ATXN2: variants seen among roughly 807,000 people sequenced by gnomAD.
The protein encoded by ATXN2 is ataxin-2.
Under a neutral mutation model 138.6 loss-of-function variants are expected in ATXN2, and 37 were observed. The observed-to-expected ratio is 0.27, with a 90% confidence interval of 0.21 to 0.35. The LOEUF (loss-of-function observed/expected upper bound fraction) is 0.35. ATXN2 is among the 10% of genes least tolerant of loss of function. The pLI is 1.00. For missense variants in ATXN2, 1,216 were observed against 1,480.3 expected, an observed-to-expected ratio of 0.82 and a Z score of 2.93; for synonymous variants, 549 against 543.7, an observed-to-expected ratio of 1.01 and a Z score of -0.13.
At chr12:111,466,830 A>G (rs868704768) in intron 20 of ATXN2, among the ~76,000 whole-genome samples, 1 of 152,082 alleles carries the variant, frequency 6.6e-6, no homozygotes, top group African/African-American at 2.4e-5. Context: ...AAAAACCTAG[A>G]TATGATGTAG....
chr12:111,510,586 G>C lies in ATXN2; in HGVS notation c.1559-4C>G, dbSNP rs369440499. ...GTTTTAGGGGATAATCTTGGAACTA[G>C]AAGAAAGGGAAAATGTATTTATTAC... is the stretch of plus-strand genomic sequence containing the variant. On this transcript the variant is annotated splice_polypyrimidine_tract_variant and splice_region_variant and intron_variant, in intron 11 of 24. Coordinates refer to ENST00000673436, the MANE Select transcript of ATXN2 (RefSeq NM_001372574.1). 41 of 1,594,748 alleles carry C rather than the reference G, an allele frequency of 2.6e-5. No individual in the cohort carries two copies. The African/African-American group carries it at 4.3e-4, about 17-fold the overall frequency.
intron 12 of ATXN2, among the ~76,000 whole-genome samples, 190 bp downstream of exon 12, chr12:111,510,195 C>T (rs538216009): frequency 1.3e-5 from 2 of 152,068 alleles, no homozygotes; most frequent in African/African-American, 4.8e-5. Context: ...GGAATGTTAA[C>T]CTTTGTAACA....
chr12:111,591,913 C>T (rs1312807363), intron 1 of ATXN2, among the ~76,000 whole-genome samples: 3 of 150,708 alleles, frequency 2.0e-5, no homozygotes, highest in Non-Finnish European at 4.4e-5. Flanking sequence ...GAAACCCTGT[C>T]TCTGCTAAAA....
chr12:111,543,075 A>G (rs1881608042), intron 5 of ATXN2, among the ~76,000 whole-genome samples: 1 of 152,088 alleles, frequency 6.6e-6, no homozygotes, highest in African/African-American at 2.4e-5. Flanking sequence ...CATTACATAG[A>G]TCCGTTCCAC....
chr12:111,511,621 A>G (rs183329640), intron 11 of ATXN2: 1 of 152,070 alleles, frequency 6.6e-6, no homozygotes, highest in African/African-American at 2.4e-5. Flanking sequence ...ACGCGCCACA[A>G]TGCCCAGCTA....
intron 5 of ATXN2, among the ~76,000 whole-genome samples, chr12:111,525,661 C>T (rs1038718232): frequency 6.7e-6 from 1 of 150,142 alleles, no homozygotes; most frequent in Non-Finnish European, 1.5e-5. Flanking sequence ...ATTTTCTTTT[C>T]ATATAATTTT....
In ATXN2 at chr12:111,452,756, G is replaced by T. The variant is rs375430831; in HGVS notation, c.*56C>A. On this transcript the variant is annotated 3_prime_UTR_variant, in exon 25 of 25. Transcript: ENST00000673436. Reference sequence around the variant, plus strand: ...TTCTAGTTTTCTGTGCTTCCAGTTGGTAGAAGCAGTAGAAGGGAGGAGGGA... The same window carrying T: ...TTCTAGTTTTCTGTGCTTCCAGTTGTTAGAAGCAGTAGAAGGGAGGAGGGA... 9.9e-5 allele frequency: 149 copies of T among 1,512,616 alleles called. No homozygotes were observed. The African/African-American group carries it at 1.6e-3, about 16-fold the overall frequency. The allele number at this position is 1,512,616 out of a possible 1,614,324, so 93.7% of individuals were successfully genotyped here. A position where few individuals can be genotyped will look rare whatever the true frequency, so the allele number is the denominator to read the frequency against.
Position 111,510,792 on chromosome 12 carries a change from A to G in ATXN2, c.1559-210T>C, listed in dbSNP as rs558956496. 722 of 400,472 alleles carry G rather than the reference A, an allele frequency of 1.8e-3. 2 individuals carry two copies. The highest frequency in any genetic ancestry group is 2.9e-3 in the Non-Finnish European group (644 of 225,318). 24.8% of individuals were successfully genotyped at this position (400,472 alleles called of 1,614,324 possible). A position where few individuals can be genotyped will look rare whatever the true frequency, so the allele number is the denominator to read the frequency against. ...ATGAAGAACAGCAGCAATTACTAAC[A>G]TAAGTATGATTTTCTCTCCTAACTA... On this transcript the variant is annotated intron_variant, in intron 11 of 24. Transcript: ENST00000673436.
At chr12:111,473,692 A>T (rs1437467728) in intron 18 of ATXN2, among the ~76,000 whole-genome samples, 3 of 152,046 alleles carry the variant, frequency 2.0e-5, no homozygotes, top group Admixed American at 6.6e-5. Context: ...GAACTCACTG[A>T]CTACTCCTAT....
At position 111,470,687 on chromosome 12, in the gene ATXN2, G is replaced by A. The variant is rs1566009869; in HGVS notation, c.2580C>T (p.His860=). Residue 860 remains histidine (H), a synonymous_variant, in exon 19 of 25, where the codon CAC becomes CAT. Coordinates refer to ENST00000673436, the MANE Select transcript of ATXN2 (RefSeq NM_001372574.1). The part of the protein sequence containing the change: ...QDQHHQSAMM[H]PASAAGPPIA... ...TCGGTGGGCCCGCTGCTGACGCTGG[G>A]TGCATCATGGCACTCTGATGATGCT... 1 of 1,614,046 alleles carries A rather than the reference G, an allele frequency of 6.2e-7. No individual in the cohort carries two copies. The highest frequency in any genetic ancestry group is 8.5e-7 in the Non-Finnish European group (1 of 1,180,010).
chr12:111,596,696 T>G (rs949082809), intron 1 of ATXN2, among the ~76,000 whole-genome samples: 6 of 152,104 alleles, frequency 3.9e-5, no homozygotes, highest in African/African-American at 1.4e-4. Flanking sequence ...CACCTATTCA[T>G]CAGAAAGAAT....
rs935899515 is a variant in ATXN2 at position 111,591,403 on chromosome 12, C to G, written c.251+7381G>C. On this transcript the variant is annotated intron_variant, in intron 1 of 24. Coordinates refer to ENST00000673436, the MANE Select transcript of ATXN2 (RefSeq NM_001372574.1). ...AAAGGGAGGGGGCTCGGTGCAGTGG[C>G]TCACACCTGTAATCTCAGCACTTTG... Among the ~76,000 whole-genome samples the G allele has an allele frequency of 2.6e-5, 4 of 152,112 alleles. 1 individual carries two copies. Among genetic ancestry groups the G allele is most frequent in the African/African-American group, 9.7e-5 (4 of 41,438 alleles).
intron 6 of ATXN2, among the ~76,000 whole-genome samples, chr12:111,523,829 G>A (rs946734401): frequency 6.6e-5 from 10 of 151,848 alleles, no homozygotes; most frequent in African/African-American, 2.4e-4. Context: ...TTGGGAGGCT[G>A]AGGTGGGTGG....
chr12:111,513,311 T>C (rs1879652536), intron 11 of ATXN2, 46 bp downstream of exon 11: 2 of 1,590,730 alleles, frequency 1.3e-6, no homozygotes. Flanking sequence ...TTATATCTAG[T>C]GTAATGACAA....
chr12:111,470,616 C>A lies in ATXN2; in HGVS notation c.2651G>T (p.Ser884Ile). ...GGGCTGATTTGGGAACTGCTGAGGA[C>A]TGTAGGCAACATATTGCGTGGAGTA... is the stretch of plus-strand genomic sequence containing the variant. ...PAYSTQYVAYSPQQFPNQPLV... is the reference protein window; with the variant it reads ...PAYSTQYVAYIPQQFPNQPLV... The change falls in exon 19 of 25, where the codon AGT becomes ATT. Residue 884 changes from serine to isoleucine, a missense_variant. Around this residue, in one of 4 missense-constraint regions of ATXN2, gnomAD observed 490 missense variants for 653.5 expected, o/e 0.75. Coordinates refer to ENST00000673436, the MANE Select transcript of ATXN2 (RefSeq NM_001372574.1). The A allele has an allele frequency of 1.2e-6, 2 of 1,614,134 alleles. No individual in the cohort carries two copies. The highest frequency in any genetic ancestry group is 1.7e-6 in the Non-Finnish European group (2 of 1,180,028).
At chr12:111,568,400 A>T (rs1883133319) in intron 1 of ATXN2, among the ~76,000 whole-genome samples, 1 of 152,148 alleles carries the variant, frequency 6.6e-6, no homozygotes, top group African/African-American at 2.4e-5. Context: ...ACCATTTTTC[A>T]ACACTCCTCC....
At chr12:111,504,470 T>C (rs1362415533) in intron 14 of ATXN2, among the ~76,000 whole-genome samples, 4 of 152,166 alleles carry the variant, frequency 2.6e-5, no homozygotes, top group Non-Finnish European at 5.9e-5. Flanking sequence ...TTTGTATTTT[T>C]AGTAGACATG....
At chr12:111,455,034 A>T in intron 23 of ATXN2, 1 of 702,912 alleles carries the variant, frequency 1.4e-6, no homozygotes, top group Non-Finnish European at 2.6e-6. Context: ...GAGCTGTGGA[A>T]CTCTACTTAC....
At chr12:111,553,659 G>C (rs972466546) in intron 3 of ATXN2, among the ~76,000 whole-genome samples, 1 of 142,000 alleles carries the variant, frequency 7.0e-6, no homozygotes. Context: ...TGAGTGCAGG[G>C]GCATTATCTC....
Sources: gnomAD v4.1 joint callset for allele counts (sites outside exome capture counted in the v4.1 genomes callset) on GRCh38, gnomAD v4.1.1 for gene constraint, gnomAD v4.1.1 regional missense constraint, MANE v1.5 for transcripts, NCBI Gene and HGNC (gene_info 2026-07-23, HGNC 2026-07-21) for gene names.